IFFO2: variants seen among roughly 807,000 people sequenced by gnomAD.
The protein encoded by IFFO2 is intermediate filament family orphan 2.
IFFO2 carries 19 observed loss-of-function variants against 53.5 expected under a neutral mutation model. The observed-to-expected ratio is 0.36, with a 90% CI of 0.25 to 0.52. The LOEUF (loss-of-function observed/expected upper bound fraction) is 0.52. Among genes scored for constraint, IFFO2 ranks in the 20% least tolerant of loss-of-function variants. The pLI is 0.94. For missense variants in IFFO2, 570 were observed against 727.4 expected (o/e 0.78, Z 2.49); for synonymous variants, 303 against 313.6 (o/e 0.97, Z 0.36).
chr1:18,937,850 C>T (rs80019779), intron 1 of IFFO2, among the ~76,000 whole-genome samples: 4,130 of 152,320 alleles, frequency 0.027, 198 homozygotes, highest in African/African-American at 0.093. Context: ...CAGATGCTGC[C>T]GAGCACCCCA....
At chr1:18,910,864 G>C (rs1428907483) in intron 7 of IFFO2, among the ~76,000 whole-genome samples, 1 of 152,248 alleles carries the variant, frequency 6.6e-6, no homozygotes, top group Admixed American at 6.5e-5. Context: ...AAGGAGCTGG[G>C]CTTCCCTTTC....
chr1:18,926,772 G>C (rs1404321898), intron 1 of IFFO2, among the ~76,000 whole-genome samples: 1 of 151,958 alleles, frequency 6.6e-6, no homozygotes, highest in East Asian at 1.9e-4. Flanking sequence ...GCAGGAAAGG[G>C]ACCGACAAGC....
intron 1 of IFFO2, among the ~76,000 whole-genome samples, chr1:18,932,564 C>G (rs377408492): frequency 1.8e-4 from 27 of 152,242 alleles, no homozygotes; most frequent in Non-Finnish European, 3.4e-4. Context: ...AACGGAAGAA[C>G]CTGCCTTGCC....
chr1:18,951,603 T>TCTAGCAGCCCAGGGCAACTTCCC (rs1936660874), intron 1 of IFFO2, among the ~76,000 whole-genome samples: 4 of 152,162 alleles, frequency 2.6e-5, no homozygotes, highest in African/African-American at 7.2e-5. Flanking sequence ...GGCAACTTCC[T>TCTAGCAGCCCAGGGCAACTTCCC]CTACCAGCCC....
chr1:18,955,130 G>A (rs1936707450), intron 1 of IFFO2, among the ~76,000 whole-genome samples: 1 of 152,194 alleles, frequency 6.6e-6, no homozygotes, highest in African/African-American at 2.4e-5. Context: ...TAAAAAGGCA[G>A]TGGGTTGGTT....
At chr1:18,937,791 C>T (rs571497551) in intron 1 of IFFO2, among the ~76,000 whole-genome samples, 145 of 152,352 alleles carry the variant, frequency 9.5e-4, no homozygotes, top group African/African-American at 3.3e-3. Context: ...AGCCTTGGGG[C>T]TCTCAGATGG....
intron 1 of IFFO2, among the ~76,000 whole-genome samples, chr1:18,931,661 C>A (rs181141906): frequency 6.6e-6 from 1 of 152,320 alleles, no homozygotes; most frequent in Admixed American, 6.5e-5. Flanking sequence ...TCATTCGACA[C>A]CCACCATCTC....
At chr1:18,941,991 G>T (rs997746032) in intron 1 of IFFO2, among the ~76,000 whole-genome samples, 1 of 152,262 alleles carries the variant, frequency 6.6e-6, no homozygotes, top group African/African-American at 2.4e-5. Context: ...TGCTCGAGAA[G>T]AGAGGGGACA....
rs1456438199 is a variant in IFFO2, at chr1:18,918,804, A to G, written c.823-302T>C. On this transcript the variant is annotated intron_variant, in intron 3 of 8. Transcript: ENST00000455833. This position sits in a 1 kb window ranked among gnomAD's most constrained non-coding sequence, Gnocchi z 5.2. ...CGTGTTCACTTTGTTAGAGCGAAGA[A>G]AAAAGACAACTCCCGCTGGAGAAAG... is the stretch of plus-strand genomic sequence containing the variant. Among the ~76,000 whole-genome samples the G allele has an allele frequency of 1.3e-5, 2 of 152,078 alleles. No homozygotes were observed. The highest frequency in any genetic ancestry group is 1.5e-5 in the Non-Finnish European group (1 of 67,996).
intron 5 of IFFO2, among the ~76,000 whole-genome samples, chr1:18,913,209 G>A (rs145007224): frequency 4.1e-4 from 63 of 152,300 alleles, no homozygotes; most frequent in Non-Finnish European, 7.8e-4. Context: ...TGCCTCGAGC[G>A]CCCCCTGGAG....
chr1:18,913,878 T>G (rs1330363434), intron 5 of IFFO2, among the ~76,000 whole-genome samples: 2 of 152,224 alleles, frequency 1.3e-5, no homozygotes, highest in African/African-American at 4.8e-5. Context: ...TCGCCCAGGC[T>G]GGAGTGCAGT....
At chr1:18,945,973 G>A (rs1258775910) in intron 1 of IFFO2, among the ~76,000 whole-genome samples, 1 of 152,188 alleles carries the variant, frequency 6.6e-6, no homozygotes, top group Non-Finnish European at 1.5e-5. Flanking sequence ...CCCAGCTTTT[G>A]GGTTCCACAC....
At chr1:18,926,252 G>A (rs533739137) in intron 1 of IFFO2, among the ~76,000 whole-genome samples, 4 of 152,286 alleles carry the variant, frequency 2.6e-5, no homozygotes, top group South Asian at 2.1e-4. Context: ...CAGCCCAGGG[G>A]CTCACAGGAG....
intron 1 of IFFO2, among the ~76,000 whole-genome samples, chr1:18,944,605 G>A (rs1936563076): frequency 6.6e-6 from 1 of 152,192 alleles, no homozygotes; most frequent in African/African-American, 2.4e-5. Context: ...TAGTACAAGG[G>A]GTCTGCAGGG....
chr1:18,926,000 A>ATGGATGGATTGG (rs1557643259), intron 1 of IFFO2, among the ~76,000 whole-genome samples: 7 of 9,168 alleles, frequency 7.6e-4, no homozygotes, highest in Non-Finnish European at 1.6e-3. Context: ...GGATGGATGG[A>ATGGATGGATTGG]TTGGTTGGAT....
Position 18,911,791 on chromosome 1 carries a change from G to A in IFFO2, c.1224+172C>T, listed in dbSNP as rs74801849. 9.6e-3 allele frequency among the ~76,000 whole-genome samples: 1,453 copies of A among 152,074 alleles called. 27 individuals carry two copies. Among genetic ancestry groups the A allele is most frequent in the East Asian group, 0.064 (331 of 5,164 alleles). Reference sequence around the variant, plus strand: ...CAACCTCAGGTGATCCGCCCACCTCGGCCTCCCAAAGTGCTGGGATTACAG... The same window carrying A: ...CAACCTCAGGTGATCCGCCCACCTCAGCCTCCCAAAGTGCTGGGATTACAG... On this transcript the variant is annotated intron_variant, in intron 6 of 8. Transcript: ENST00000455833.
Position 18,917,185 on chromosome 1 carries a change from T to A in IFFO2, c.964-143A>T. 1.1e-6 allele frequency: 1 copy of A among 914,278 alleles called. No homozygotes were observed. Among genetic ancestry groups the A allele is most frequent in the Non-Finnish European group, 1.6e-6 (1 of 617,480 alleles). The allele number at this position is 914,278 out of a possible 1,614,324, so 56.6% of individuals were successfully genotyped here. ...AGTGCCAGGAAAGGTGCAGGTCCTCTAAGAAGCAGGCGGCGTTAGCAGGAA... is the reference window on the plus strand; with the variant it reads ...AGTGCCAGGAAAGGTGCAGGTCCTCAAAGAAGCAGGCGGCGTTAGCAGGAA... On this transcript the variant is annotated intron_variant, in intron 4 of 8. Transcript: ENST00000455833. This position sits in a 1 kb window ranked among gnomAD's most constrained non-coding sequence, Gnocchi z 5.9.
chr1:18,929,220 G>C (rs1936341028), intron 1 of IFFO2, among the ~76,000 whole-genome samples: 1 of 152,186 alleles, frequency 6.6e-6, no homozygotes, highest in Non-Finnish European at 1.5e-5. Flanking sequence ...CTGTAAAACG[G>C]GGATAGCAAT....
In IFFO2 at chr1:18,919,776, G is replaced by A; in HGVS notation, c.727-3C>T. On this transcript the variant is annotated splice_polypyrimidine_tract_variant and splice_region_variant and intron_variant, in intron 2 of 8. Coordinates refer to ENST00000455833, the MANE Select transcript of IFFO2 (RefSeq NM_001136265.2). This position sits in a 1 kb window ranked among gnomAD's most constrained non-coding sequence, Gnocchi z 4.9. ...ATGGCATCAGCCTCCTGTGCTGCCTGCGGGGACGGAGATGGGGAGGCTTCA... is the reference window on the plus strand; with the variant it reads ...ATGGCATCAGCCTCCTGTGCTGCCTACGGGGACGGAGATGGGGAGGCTTCA... 2 of 1,549,498 alleles carry A rather than the reference G, an allele frequency of 1.3e-6. No homozygotes were observed. The highest frequency in any genetic ancestry group is 1.2e-5 in the South Asian group (1 of 84,016).
Sources: gnomAD v4.1 joint callset for allele counts (sites outside exome capture counted in the v4.1 genomes callset) on GRCh38, gnomAD v4.1.1 for gene constraint, Gnocchi (gnomAD v3.1) non-coding constraint, MANE v1.5 for transcripts, NCBI Gene and HGNC (gene_info 2026-07-23, HGNC 2026-07-21) for gene names.